The following LRCH1 variants were observed in gnomAD, a reference collection of about 807,000 sequenced individuals.
LRCH1 encodes the protein leucine-rich repeat and calponin homology domain-containing protein 1.
LRCH1 carries 23 observed loss-of-function variants against 94.9 expected under a neutral mutation model. The ratio of observed to expected loss-of-function variants is 0.24; its 90% CI spans 0.17 to 0.34. LRCH1 has a LOEUF of 0.34. LRCH1 is among the 10% of genes least tolerant of loss of function. LRCH1 has a pLI of 1.00. For missense variants in LRCH1, 790 were observed against 945.9 expected, an observed-to-expected ratio of 0.84 and a Z score of 2.16; for synonymous variants, 364 against 354.9, an observed-to-expected ratio of 1.03 and a Z score of -0.29.
At chr13:46,705,515 A>G in intron 13 of LRCH1, 1 of 688,050 alleles carries the variant, frequency 1.5e-6, no homozygotes, top group East Asian at 2.7e-5. Flanking sequence ...GTTGAAGATG[A>G]GAGTTGGCTA....
At chr13:46,647,066 T>A (rs2051230056) in intron 1 of LRCH1, among the ~76,000 whole-genome samples, 1 of 141,642 alleles carries the variant, frequency 7.1e-6, no homozygotes, top group African/African-American at 2.7e-5. Flanking sequence ...TGAGCTGAGA[T>A]CACACCACTG....
chr13:46,691,846 C>T (rs538493605), intron 7 of LRCH1, among the ~76,000 whole-genome samples: 6 of 152,136 alleles, frequency 3.9e-5, no homozygotes, highest in South Asian at 2.1e-4. Context: ...TGTGCCACCA[C>T]GCCCAGCTAA....
At position 46,553,473 on chromosome 13, in the gene LRCH1, C is replaced by CCCA. The variant is rs533543595; in HGVS notation, c.96_98dup (p.His33dup). The CCCA allele has an allele frequency of 7.4e-4, 1,140 of 1,548,046 alleles. 3 individuals are homozygous for CCCA. In the African/African-American group the frequency reaches 0.011, roughly 15 times the overall value. On this transcript the variant is annotated inframe_insertion, in exon 1 of 20. Transcript: ENST00000389797. ...GCTACTCTGCACCCACTTCATCATC[C>CCCA]CCACCACCACCACCACCACCATCAG...
chr13:46,734,031 C>A, intron 19 of LRCH1, 33 bp downstream of exon 19: 4 of 1,250,944 alleles, frequency 3.2e-6, no homozygotes, highest in Non-Finnish European at 4.6e-6. Flanking sequence ...TAACTGTGTT[C>A]TAGTAAAAAT....
rs1232541175 is a variant in LRCH1 at position 46,742,372 on chromosome 13, A to G, written c.*524A>G. On this transcript the variant is annotated 3_prime_UTR_variant, in exon 20 of 20. Transcript: ENST00000389797. ...TATACAAAACTTTAATAATACCACT[A>G]CTGACCAAGTTGGACGTGTACACGT... The G allele has an allele frequency of 2.7e-5, 27 of 993,598 alleles. No individual in the cohort carries two copies. Among genetic ancestry groups the G allele is most frequent in the Non-Finnish European group, 3.1e-5 (26 of 834,642 alleles). 61.5% of individuals were successfully genotyped at this position (993,598 alleles called of 1,614,324 possible).
At chr13:46,588,715 C>T in intron 1 of LRCH1, among the ~76,000 whole-genome samples, 1 of 150,912 alleles carries the variant, frequency 6.6e-6, no homozygotes, top group Non-Finnish European at 1.5e-5. Context: ...ATTCTCCTGC[C>T]TTAGCCTCCC....
In LRCH1 at chr13:46,711,844, G is replaced by C; in HGVS notation, c.1581G>C (p.Glu527Asp). 2 of 1,612,036 alleles carry C rather than the reference G, an allele frequency of 1.2e-6. No individual in the cohort carries two copies. Among genetic ancestry groups the C allele is most frequent in the Non-Finnish European group, 1.7e-6 (2 of 1,178,532 alleles). Residue 527 changes from glutamate to aspartate, a missense_variant and splice_region_variant, in exon 14 of 20, where the codon GAG becomes GAC. Coordinates refer to ENST00000389797, the MANE Select transcript of LRCH1 (RefSeq NM_001164211.2). The stretch of plus-strand genomic sequence containing the variant: ...ACGGGAGCCAGTATTCTCCAAATGA[G>C]GTAAGTTTCTTGAAGATTAATGGAA... ...QSNGSQYSPNEIRENSPAVSP... is the reference protein window; with the variant it reads ...QSNGSQYSPNDIRENSPAVSP...
intron 19 of LRCH1, among the ~76,000 whole-genome samples, chr13:46,736,791 C>T (rs907955069): frequency 2.5e-4 from 38 of 152,102 alleles, no homozygotes; most frequent in African/African-American, 8.7e-4. Context: ...TTAAGTTCTG[C>T]ATTTTATAAG....
At chr13:46,581,295 A>G (rs1243496178) in intron 1 of LRCH1, among the ~76,000 whole-genome samples, 7 of 152,170 alleles carry the variant, frequency 4.6e-5, no homozygotes, top group Non-Finnish European at 1.0e-4. Flanking sequence ...CAACTGGAGT[A>G]TGGTGTTAAG....
downstream of LRCH1, among the ~76,000 whole-genome samples, chr13:46,748,277 ATTT>A (rs202046957): frequency 7.0e-6 from 1 of 143,706 alleles, no homozygotes; most frequent in South Asian, 2.2e-4. Context: ...GGTGTTGTAG[ATTT>A]TTTTTTTTTT....
intron 4 of LRCH1, among the ~76,000 whole-genome samples, chr13:46,684,821 C>T (rs1870523603): frequency 6.6e-6 from 1 of 152,190 alleles, no homozygotes; most frequent in South Asian, 2.1e-4. Context: ...AAAACACAGT[C>T]CCTTACATTC....
At chr13:46,741,120 G>C (rs1873631749) in intron 19 of LRCH1, among the ~76,000 whole-genome samples, 2 of 151,902 alleles carry the variant, frequency 1.3e-5, no homozygotes, top group Non-Finnish European at 2.9e-5. Context: ...AGTTTATCAA[G>C]CGTAAAATGA....
chr13:46,673,504 A>G (rs1189944424), intron 3 of LRCH1, among the ~76,000 whole-genome samples: 1 of 9,576 alleles, frequency 1.0e-4, no homozygotes, highest in Non-Finnish European at 2.7e-4. Flanking sequence ...ATCAATTGGA[A>G]AAAAAAATTC....
At chr13:46,568,725 T>C (rs1466543324) in intron 1 of LRCH1, among the ~76,000 whole-genome samples, 1 of 152,126 alleles carries the variant, frequency 6.6e-6, no homozygotes, top group East Asian at 1.9e-4. Context: ...GGTGATCACC[T>C]GGGAAGGGGT....
chr13:46,686,944 G>A (rs1297463386), intron 5 of LRCH1, among the ~76,000 whole-genome samples: 6 of 139,640 alleles, frequency 4.3e-5, no homozygotes, highest in Non-Finnish European at 7.6e-5. Context: ...GTTTCATGGA[G>A]TATATTGATT....
At chr13:46,582,270 A>G (rs1056534046) in intron 1 of LRCH1, among the ~76,000 whole-genome samples, 5 of 151,916 alleles carry the variant, frequency 3.3e-5, no homozygotes, top group African/African-American at 9.7e-5. Flanking sequence ...AAAAAAGGAA[A>G]GAGAAAAATA....
At chr13:46,668,856 GT>G (rs1719959217) in intron 2 of LRCH1, among the ~76,000 whole-genome samples, 173 bp from the exon 3 acceptor site, 1 of 151,284 alleles carries the variant, frequency 6.6e-6, no homozygotes, top group African/African-American at 2.4e-5. Context: ...AACATATTTT[GT>G]TTTCTTACAT....
intron 1 of LRCH1, among the ~76,000 whole-genome samples, chr13:46,645,133 G>A (rs970646520): frequency 2.0e-5 from 3 of 151,948 alleles, no homozygotes; most frequent in South Asian, 2.1e-4. Flanking sequence ...AATCTGTATT[G>A]TAAATAGTAA....
At position 46,640,008 on chromosome 13, in the gene LRCH1, C is replaced by T. The variant is rs116812056; in HGVS notation, c.308-10193C>T. ...TGCATGCATCATCTTACTTCTTCTT[C>T]CCAGTGTTTATAAGGTGCAACTGAA... On this transcript the variant is annotated intron_variant, in intron 1 of 19. Coordinates refer to ENST00000389797, the MANE Select transcript of LRCH1 (RefSeq NM_001164211.2). 3.6e-3 allele frequency among the ~76,000 whole-genome samples: 546 copies of T among 152,282 alleles called. 4 individuals are homozygous for T. The highest frequency in any genetic ancestry group is 0.013 in the African/African-American group (523 of 41,552).
Sources: gnomAD v4.1 joint callset for allele counts (sites outside exome capture counted in the v4.1 genomes callset) on GRCh38, gnomAD v4.1.1 for gene constraint, MANE v1.5 for transcripts, NCBI Gene and HGNC (gene_info 2026-07-23, HGNC 2026-07-21) for gene names.